Variants in AGAP1 observed in about 807,000 individuals in gnomAD.
The protein encoded by AGAP1 is arf-GAP with GTPase, ANK repeat and PH domain-containing protein 1.
A neutral mutation model predicts 105.3 loss-of-function variants in AGAP1; 29 were observed. The ratio of observed to expected loss-of-function variants is 0.28; its 90% CI spans 0.21 to 0.38. AGAP1 has a LOEUF of 0.38. AGAP1 is among the 10% of genes least tolerant of loss of function. The probability of loss-of-function intolerance (pLI) is 1.00; values close to 1 mark genes in which losing one functional copy is unlikely to be tolerated. For missense variants in AGAP1, 998 were observed against 1,165.1 expected, an observed-to-expected ratio of 0.86 and a Z score of 2.09; for synonymous variants, 509 against 485.9, an observed-to-expected ratio of 1.05 and a Z score of -0.63.
At chr2:236,048,454 A>G (rs976856990) in intron 15 of AGAP1, among the ~76,000 whole-genome samples, 6 of 152,212 alleles carry the variant, frequency 3.9e-5, no homozygotes, top group African/African-American at 9.6e-5. Context: ...CTGCCCACCA[A>G]CTTGCCTGCA....
intron 13 of AGAP1, among the ~76,000 whole-genome samples, chr2:235,980,721 G>A (rs976418360): frequency 1.8e-4 from 28 of 152,196 alleles, no homozygotes; most frequent in African/African-American, 6.3e-4. Context: ...TCTTCCTACT[G>A]TTGAGTGGTC....
chr2:236,082,855 A>G lies in AGAP1; in HGVS notation c.2114+33574A>G, dbSNP rs978872981. Among the ~76,000 whole-genome samples the G allele has an allele frequency of 2.6e-5, 4 of 151,156 alleles. No individual in the cohort carries two copies. The highest frequency in any genetic ancestry group is 5.9e-5 in the Non-Finnish European group (4 of 67,884). ...CACCCATTGCACTCCAGCCTGGAGG[A>G]CAAGAGCAAAACTCCATCAGCCGGG... is the stretch of plus-strand genomic sequence containing the variant. On this transcript the variant is annotated intron_variant, in intron 16 of 17. Coordinates refer to ENST00000304032, the MANE Select transcript of AGAP1 (RefSeq NM_001037131.3). The surrounding 1 kb of genome is among the most constrained non-coding windows in gnomAD (Gnocchi z 4.2).
intron 9 of AGAP1, among the ~76,000 whole-genome samples, chr2:235,859,045 G>T (rs190253025): frequency 1.3e-5 from 2 of 152,310 alleles, no homozygotes; most frequent in East Asian, 3.9e-4. Flanking sequence ...ACAGCATGAA[G>T]CAAGGGGAAC....
chr2:235,766,471 A>T (rs952682675), intron 6 of AGAP1, among the ~76,000 whole-genome samples: 1 of 152,216 alleles, frequency 6.6e-6, no homozygotes, highest in African/African-American at 2.4e-5. Flanking sequence ...GAGAATACAG[A>T]TATAATAAAA....
At position 236,078,071 on chromosome 2, in the gene AGAP1, G is replaced by GTA. The variant is rs1191265295; in HGVS notation, c.2114+28791_2114+28792insAT. 6.6e-6 allele frequency among the ~76,000 whole-genome samples: 1 copy of GTA among 150,582 alleles called. No homozygotes were observed. The highest frequency in any genetic ancestry group is 2.5e-5 in the African/African-American group (1 of 40,390). ...TGTGTGTGTGTGTGTGTGTGTGTGTGTGTAATCTGAAGTGTGTAGGGCAGG... is the reference window on the plus strand; with the variant it reads ...TGTGTGTGTGTGTGTGTGTGTGTGTGTATGTAATCTGAAGTGTGTAGGGCAGG... On this transcript the variant is annotated intron_variant, in intron 16 of 17. Coordinates refer to ENST00000304032, the MANE Select transcript of AGAP1 (RefSeq NM_001037131.3). The surrounding 1 kb of genome is among the most constrained non-coding windows in gnomAD (Gnocchi z 5.3).
chr2:235,799,630 T>C lies in AGAP1; in HGVS notation c.957+108T>C. The C allele has an allele frequency of 1.6e-6, 2 of 1,232,710 alleles. No individual in the cohort carries two copies. The highest frequency in any genetic ancestry group is 1.5e-5 in the African/African-American group (1 of 66,508). The allele number at this position is 1,232,710 out of a possible 1,614,324, so 76.4% of individuals were successfully genotyped here. A position where few individuals can be genotyped will look rare whatever the true frequency, so the allele number is the denominator to read the frequency against. On this transcript the variant is annotated intron_variant, in intron 8 of 17. Transcript: ENST00000304032. This position sits in a 1 kb window ranked among gnomAD's most constrained non-coding sequence, Gnocchi z 5.0. ...TGGTATTTGTAGAATCTCAACTATA[T>C]TAAAGTGAATAACATTGATTTCTGT...
rs552308809 is a variant in AGAP1, at chr2:236,082,263, A to G, written c.2114+32982A>G. Among the ~76,000 whole-genome samples, 10 of 152,346 alleles carry G rather than the reference A, an allele frequency of 6.6e-5. No homozygotes were observed. The highest frequency in any genetic ancestry group is 1.2e-4 in the Non-Finnish European group (8 of 68,034). On this transcript the variant is annotated intron_variant, in intron 16 of 17. Coordinates refer to ENST00000304032, the MANE Select transcript of AGAP1 (RefSeq NM_001037131.3). This position sits in a 1 kb window ranked among gnomAD's most constrained non-coding sequence, Gnocchi z 4.2. ...TCTCATCGCTGGAAGTTATAGATGCAGATATTATTTGCACTGCGGTTAATT... is the reference window on the plus strand; with the variant it reads ...TCTCATCGCTGGAAGTTATAGATGCGGATATTATTTGCACTGCGGTTAATT...
At chr2:235,757,261 C>T (rs77894472) in intron 6 of AGAP1, among the ~76,000 whole-genome samples, 2,576 of 152,296 alleles carry the variant, frequency 0.017, 78 homozygotes, top group African/African-American at 0.059. Context: ...AACAGATCTG[C>T]ATTATTGTGG....
At chr2:235,972,771 G>A (rs1434071272) in intron 13 of AGAP1, among the ~76,000 whole-genome samples, 1 of 152,160 alleles carries the variant, frequency 6.6e-6, no homozygotes, top group Non-Finnish European at 1.5e-5. Context: ...GCCTTTCACA[G>A]CACCTCCTAC....
At chr2:235,567,378 C>G (rs1574861934) in intron 1 of AGAP1, among the ~76,000 whole-genome samples, 1 of 152,338 alleles carries the variant, frequency 6.6e-6, no homozygotes, top group African/African-American at 2.4e-5. Flanking sequence ...AGGGCCCTGC[C>G]CTCAGCTGGG....
intron 13 of AGAP1, among the ~76,000 whole-genome samples, chr2:236,006,332 G>A (rs1370726412): frequency 6.6e-6 from 1 of 152,116 alleles, no homozygotes; most frequent in Non-Finnish European, 1.5e-5. Flanking sequence ...AAAGAGCTCT[G>A]GTTCCTTTTA....
rs979114670 is a variant in AGAP1, at chr2:235,566,057, T to C, written c.163+71208T>C. 6.6e-6 allele frequency among the ~76,000 whole-genome samples: 1 copy of C among 152,180 alleles called. No homozygotes were observed. Among genetic ancestry groups the C allele is most frequent in the African/African-American group, 2.4e-5 (1 of 41,432 alleles). The stretch of plus-strand genomic sequence containing the variant: ...TTCTGTAAACAATATTTCCCTCTGC[T>C]TGTGTCATCTTTCATTTGTCCATTC... On this transcript the variant is annotated intron_variant, in intron 1 of 17. Coordinates refer to ENST00000304032, the MANE Select transcript of AGAP1 (RefSeq NM_001037131.3). This position sits in a 1 kb window ranked among gnomAD's most constrained non-coding sequence, Gnocchi z 5.2.
chr2:236,095,364 T>A lies in AGAP1; in HGVS notation c.2115-24828T>A, dbSNP rs2059167207. Among the ~76,000 whole-genome samples, 1 of 152,102 alleles carries A rather than the reference T, an allele frequency of 6.6e-6. No individual in the cohort carries two copies. Among genetic ancestry groups the A allele is most frequent in the South Asian group, 2.1e-4 (1 of 4,824 alleles). ...GTGAGCCATGATCATGCCACTGCAT[T>A]CCAGCCTGGTTGACAGAGTTAGACC... On this transcript the variant is annotated intron_variant, in intron 16 of 17. Transcript: ENST00000304032. The surrounding 1 kb of genome is among the most constrained non-coding windows in gnomAD (Gnocchi z 4.1).
Position 235,608,615 on chromosome 2 carries a change from C to A in AGAP1, c.164-100564C>A, listed in dbSNP as rs1400694824. On this transcript the variant is annotated intron_variant, in intron 1 of 17. Coordinates refer to ENST00000304032, the MANE Select transcript of AGAP1 (RefSeq NM_001037131.3). This position sits in a 1 kb window ranked among gnomAD's most constrained non-coding sequence, Gnocchi z 5.4. The stretch of plus-strand genomic sequence containing the variant: ...GATGATGCCCAGAGTGTCTGGGGGA[C>A]GCATCCAGGGTCCCAGGCCCAGAAA... Among the ~76,000 whole-genome samples the A allele has an allele frequency of 6.6e-6, 1 of 152,168 alleles. No homozygotes were observed. The highest frequency in any genetic ancestry group is 1.5e-5 in the Non-Finnish European group (1 of 68,042).
chr2:235,699,314 A>G (rs757898134), intron 1 of AGAP1, among the ~76,000 whole-genome samples: 10 of 152,172 alleles, frequency 6.6e-5, no homozygotes, highest in Non-Finnish European at 1.0e-4. Context: ...GTCTTGCTAC[A>G]GAGAGCCTGA....
In AGAP1 at chr2:235,663,533, GC is replaced by G. The variant is rs918833916; in HGVS notation, c.164-45645del. Among the ~76,000 whole-genome samples the G allele has an allele frequency of 2.0e-5, 3 of 152,166 alleles. No individual in the cohort carries two copies. Among genetic ancestry groups the G allele is most frequent in the African/African-American group, 7.2e-5 (3 of 41,440 alleles). On this transcript the variant is annotated intron_variant, in intron 1 of 17. Coordinates refer to ENST00000304032, the MANE Select transcript of AGAP1 (RefSeq NM_001037131.3). The surrounding 1 kb of genome is among the most constrained non-coding windows in gnomAD (Gnocchi z 5.4). ...AGAAGGGAGAACTGTGTAAAATCAC[GC>G]TCTTCCAGAAGCTGGGCTTTGTAAT...
At chr2:235,912,760 C>T (rs2051680268) in intron 11 of AGAP1, among the ~76,000 whole-genome samples, 1 of 152,178 alleles carries the variant, frequency 6.6e-6, no homozygotes. Context: ...CCATCCATAG[C>T]CATCACCAGT....
At chr2:235,917,405 T>C (rs2051944950) in intron 11 of AGAP1, among the ~76,000 whole-genome samples, 1 of 152,186 alleles carries the variant, frequency 6.6e-6, no homozygotes, top group African/African-American at 2.4e-5. Flanking sequence ...TGACCTAGAA[T>C]ACTAATTATT....
rs952232605 is a variant in AGAP1, at chr2:235,970,072, C to T, written c.1645+1449C>T. 6.6e-5 allele frequency among the ~76,000 whole-genome samples: 10 copies of T among 151,946 alleles called. No individual in the cohort carries two copies. The highest frequency in any genetic ancestry group is 2.0e-4 in the Admixed American group (3 of 15,266). Reference sequence around the variant, plus strand: ...CAAAAATTAGCTGGATGTGGTGGCACATGCCTGTAATCCCAGCTACCTGAG... The same window carrying T: ...CAAAAATTAGCTGGATGTGGTGGCATATGCCTGTAATCCCAGCTACCTGAG... On this transcript the variant is annotated intron_variant, in intron 13 of 17. Transcript: ENST00000304032. The surrounding 1 kb of genome is among the most constrained non-coding windows in gnomAD (Gnocchi z 5.4).
Sources: gnomAD v4.1 joint callset for allele counts (sites outside exome capture counted in the v4.1 genomes callset) on GRCh38, gnomAD v4.1.1 for gene constraint, Gnocchi (gnomAD v3.1) non-coding constraint, MANE v1.5 for transcripts, NCBI Gene and HGNC (gene_info 2026-07-23, HGNC 2026-07-21) for gene names.